AP3B1: variants seen among roughly 807,000 people sequenced by gnomAD.
AP3B1 encodes the protein AP-3 complex subunit beta-1.
A neutral mutation model predicts 132.5 loss-of-function variants in AP3B1; 61 were observed. That is an observed-to-expected ratio of 0.46 (90% CI 0.37 to 0.57). The LOEUF (loss-of-function observed/expected upper bound fraction) is 0.57, where lower values mean the gene tolerates loss of function less well. Ranked by LOEUF, AP3B1 falls within the 20% of genes least tolerant of loss-of-function variation. The probability of loss-of-function intolerance (pLI) is 0.00; values close to 1 mark genes in which losing one functional copy is unlikely to be tolerated. For synonymous variants in AP3B1, 388 were observed against 438.3 expected (o/e 0.89, Z 1.43); for missense variants, 1,120 against 1,289.4 (o/e 0.87, Z 2.01).
At chr5:78,086,721 C>T (rs1302018847) in intron 22 of AP3B1, among the ~76,000 whole-genome samples, 1 of 152,188 alleles carries the variant, frequency 6.6e-6, no homozygotes, top group Non-Finnish European at 1.5e-5. Context: ...CTCACAAAAG[C>T]TCTGTTTCCT....
chr5:78,118,853 T>C (rs1019356708), intron 17 of AP3B1, among the ~76,000 whole-genome samples: 3 of 152,168 alleles, frequency 2.0e-5, no homozygotes, highest in Non-Finnish European at 4.4e-5. Context: ...CAGCTGGAGA[T>C]CTGAGAACGG....
intron 24 of AP3B1, among the ~76,000 whole-genome samples, chr5:78,023,583 T>G (rs1042617029): frequency 2.6e-5 from 4 of 152,022 alleles, no homozygotes; most frequent in African/African-American, 9.7e-5. Flanking sequence ...ATAAAAATCA[T>G]ATAGGAAAAG....
At chr5:78,011,361 A>G (rs1189514096) in intron 26 of AP3B1, among the ~76,000 whole-genome samples, 3 of 152,106 alleles carry the variant, frequency 2.0e-5, no homozygotes, top group East Asian at 3.8e-4. Context: ...GTATATCTCA[A>G]TAAGATGATT....
intron 7 of AP3B1, among the ~76,000 whole-genome samples, chr5:78,196,340 G>C (rs75663071): frequency 0.023 from 3,499 of 152,218 alleles, 148 homozygotes; most frequent in African/African-American, 0.077. Context: ...ACATTTATTA[G>C]AATGGACAAA....
At chr5:78,292,839 T>C (rs78493304) in intron 1 of AP3B1, among the ~76,000 whole-genome samples, 3,006 of 152,218 alleles carry the variant, frequency 0.02, 103 homozygotes, top group African/African-American at 0.066. Flanking sequence ...TTTTTTGTTT[T>C]TTTTTTCCAA....
intron 22 of AP3B1, among the ~76,000 whole-genome samples, chr5:78,059,727 T>C (rs1388364806): frequency 1.3e-5 from 2 of 152,146 alleles, no homozygotes; most frequent in African/African-American, 4.8e-5. Flanking sequence ...TTGATCTATC[T>C]GTAGTTGCCA....
chr5:78,084,521 CAAAAAAAAAAA>C (rs568637894), intron 22 of AP3B1, among the ~76,000 whole-genome samples: 2 of 44,004 alleles, frequency 4.5e-5, no homozygotes, highest in Admixed American at 2.6e-4. Context: ...CAGACCCTGT[CAAAAAAAAAAA>C]AAAAAAAAAA....
At chr5:78,034,776 C>T (rs1019708476) in intron 23 of AP3B1, among the ~76,000 whole-genome samples, 3 of 151,820 alleles carry the variant, frequency 2.0e-5, no homozygotes, top group Non-Finnish European at 2.9e-5. Flanking sequence ...TAAATGTGTT[C>T]TTGTTTCGCA....
At chr5:78,076,065 GA>G (rs1749754773) in intron 22 of AP3B1, among the ~76,000 whole-genome samples, 1 of 152,186 alleles carries the variant, frequency 6.6e-6, no homozygotes, top group Non-Finnish European at 1.5e-5. Context: ...AAAAAAGGTG[GA>G]AATGTGGAAT....
At chr5:78,038,638 A>G (rs1326638455) in intron 23 of AP3B1, among the ~76,000 whole-genome samples, 2 of 152,258 alleles carry the variant, frequency 1.3e-5, no homozygotes, top group Non-Finnish European at 2.9e-5. Flanking sequence ...ATCTCGAGAT[A>G]CGAGAAGTAT....
intron 15 of AP3B1, among the ~76,000 whole-genome samples, chr5:78,134,052 C>G (rs748724131): frequency 9.4e-5 from 14 of 149,040 alleles, no homozygotes; most frequent in East Asian, 3.9e-4. Context: ...TCAGGAGGCT[C>G]AGGCAGGAGA....
At chr5:78,213,528 C>A (rs574571303) in intron 7 of AP3B1, among the ~76,000 whole-genome samples, 1 of 152,126 alleles carries the variant, frequency 6.6e-6, no homozygotes, top group South Asian at 2.1e-4. Context: ...AACATATGTA[C>A]GTATGTAGAC....
chr5:78,244,574 G>C (rs1221517974), intron 2 of AP3B1, among the ~76,000 whole-genome samples: 1 of 152,134 alleles, frequency 6.6e-6, no homozygotes, highest in African/African-American at 2.4e-5. Flanking sequence ...GAATATATGG[G>C]AATAAAGGCT....
At chr5:78,253,136 C>T (rs1387262958) in intron 2 of AP3B1, among the ~76,000 whole-genome samples, 2 of 152,226 alleles carry the variant, frequency 1.3e-5, no homozygotes, top group African/African-American at 2.4e-5. Flanking sequence ...CTAGGCAGTA[C>T]CTCTATGAGT....
chr5:78,023,159 CAG>C (rs1253206684), intron 24 of AP3B1, among the ~76,000 whole-genome samples: 1 of 152,152 alleles, frequency 6.6e-6, no homozygotes, highest in African/African-American at 2.4e-5. Context: ...GGGTGAATGA[CAG>C]TGTGCTGAAG....
intron 2 of AP3B1, among the ~76,000 whole-genome samples, chr5:78,265,935 T>C (rs936383068): frequency 7.9e-5 from 12 of 152,356 alleles, no homozygotes; most frequent in Admixed American, 7.8e-4. Flanking sequence ...CAATTATTCA[T>C]TTCTGTAAAA....
At chr5:78,157,012 C>A (rs1374035814) in intron 13 of AP3B1, among the ~76,000 whole-genome samples, 2 of 152,132 alleles carry the variant, frequency 1.3e-5, no homozygotes, top group East Asian at 3.8e-4. Context: ...CTGTAGTCTG[C>A]CTCAACCAGA....
intron 22 of AP3B1, among the ~76,000 whole-genome samples, chr5:78,058,433 G>A (rs939408665): frequency 6.6e-6 from 1 of 152,036 alleles, no homozygotes; most frequent in African/African-American, 2.4e-5. Context: ...CCGGGAGGCG[G>A]AGGTTGCAGT....
At chr5:78,097,489 G>A (rs1317272069) in intron 21 of AP3B1, among the ~76,000 whole-genome samples, 15 of 85,092 alleles carry the variant, frequency 1.8e-4, no homozygotes, top group South Asian at 4.5e-4. Context: ...CCGGCCAGCC[G>A]CCCCGTCCGG....
Sources: allele counts gnomAD v4.1 joint callset (sites outside exome capture counted in the v4.1 genomes callset), GRCh38; gene constraint gnomAD v4.1.1; transcripts MANE v1.5; gene names NCBI Gene and HGNC (gene_info 2026-07-23, HGNC 2026-07-21).